PRKG1: variants seen among roughly 807,000 people sequenced by gnomAD.
The protein encoded by PRKG1 is protein kinase cGMP-dependent 1, also known as cGMP-dependent protein kinase 1.
PRKG1 carries 35 observed loss-of-function variants against 88.1 expected under a neutral mutation model. That is an observed-to-expected ratio of 0.40 (90% CI 0.30 to 0.53). PRKG1 has a LOEUF of 0.53. Among genes scored for constraint, PRKG1 ranks in the 20% least tolerant of loss-of-function variants. The pLI is 0.59. For missense variants in PRKG1, 540 were observed against 839.8 expected, an observed-to-expected ratio of 0.64 and a Z score of 4.41; for synonymous variants, 303 against 292.5, an observed-to-expected ratio of 1.04 and a Z score of -0.37.
chr10:51,209,427 C>T (rs1265274070), intron 2 of PRKG1, among the ~76,000 whole-genome samples: 2 of 152,024 alleles, frequency 1.3e-5, no homozygotes, highest in African/African-American at 2.4e-5. Flanking sequence ...CATTAGTTTC[C>T]ACCTGGTAAA....
intron 3 of PRKG1, among the ~76,000 whole-genome samples, chr10:51,545,177 G>A (rs1842416992): frequency 6.6e-6 from 1 of 151,920 alleles, no homozygotes; most frequent in African/African-American, 2.4e-5. Flanking sequence ...TAAAAAAATT[G>A]TAGACAATCT....
At chr10:50,994,318 A>G (rs1842811080) in intron 1 of PRKG1, among the ~76,000 whole-genome samples, 1 of 152,196 alleles carries the variant, frequency 6.6e-6, no homozygotes, top group South Asian at 2.1e-4. Flanking sequence ...TTTAATATGA[A>G]ACAAGATACT....
chr10:51,656,465 A>G (rs912352236), intron 3 of PRKG1, among the ~76,000 whole-genome samples: 9 of 152,180 alleles, frequency 5.9e-5, no homozygotes, highest in African/African-American at 2.2e-4. Context: ...AAACAGAGCT[A>G]GGTAGGACTA....
chr10:52,074,614 T>C (rs1482899435), intron 7 of PRKG1, among the ~76,000 whole-genome samples: 1 of 152,190 alleles, frequency 6.6e-6, no homozygotes, highest in Non-Finnish European at 1.5e-5. Flanking sequence ...AGCCGGTGTT[T>C]TGTGTCTCTG....
At chr10:51,780,557 A>G (rs767878911) in intron 3 of PRKG1, among the ~76,000 whole-genome samples, 1 of 152,188 alleles carries the variant, frequency 6.6e-6, no homozygotes, top group Admixed American at 6.6e-5. Context: ...AAGCTACCAC[A>G]TAACTTGTAA....
At chr10:51,739,833 C>T (rs1001800302) in intron 3 of PRKG1, among the ~76,000 whole-genome samples, 1 of 152,030 alleles carries the variant, frequency 6.6e-6, no homozygotes, top group Non-Finnish European at 1.5e-5. Flanking sequence ...ATTAGCCAAG[C>T]GTGGTGGCGC....
At chr10:51,524,783 A>G (rs1841834239) in intron 3 of PRKG1, among the ~76,000 whole-genome samples, 2 of 152,244 alleles carry the variant, frequency 1.3e-5, no homozygotes, top group South Asian at 4.1e-4. Flanking sequence ...GACTATGCTC[A>G]ATATACTAAC....
rs1841325989 is a variant in PRKG1 at position 52,257,076 on chromosome 10, T to C, written c.1173+5410T>C. On this transcript the variant is annotated intron_variant, in intron 10 of 17. Coordinates refer to ENST00000373980, the MANE Select transcript of PRKG1 (RefSeq NM_006258.4). ...ACCTCAGTTGGGCATAATAAAGACC[T>C]GGCTCTTGGCAAGTTGAATACAAAA... Among the ~76,000 whole-genome samples the C allele has an allele frequency of 1.4e-5, 2 of 139,606 alleles. 1 individual carries two copies. The highest frequency in any genetic ancestry group is 4.6e-4 in the South Asian group (2 of 4,352). 91.6% of individuals were successfully genotyped at this position (139,606 alleles called of 152,430 possible).
chr10:51,341,499 C>T (rs1842003038), intron 2 of PRKG1, among the ~76,000 whole-genome samples: 1 of 152,192 alleles, frequency 6.6e-6, no homozygotes, highest in Non-Finnish European at 1.5e-5. Context: ...TCCCTAACTT[C>T]TCTTGTCTTC....
intron 5 of PRKG1, among the ~76,000 whole-genome samples, chr10:51,985,640 T>C (rs1401543827): frequency 6.6e-6 from 1 of 152,212 alleles, no homozygotes; most frequent in African/African-American, 2.4e-5. Context: ...ATCTAATTAA[T>C]ATTTTTTATA....
chr10:51,801,419 C>A (rs942122480), intron 3 of PRKG1, among the ~76,000 whole-genome samples: 2 of 152,020 alleles, frequency 1.3e-5, no homozygotes, highest in African/African-American at 2.4e-5. Context: ...CAAAAACAGA[C>A]CATGGGCCAG....
At position 51,059,796 on chromosome 10, in the gene PRKG1, A is replaced by G. The variant is rs144219598; in HGVS notation, c.266+68152A>G. On this transcript the variant is annotated intron_variant, in intron 1 of 17. Transcript: ENST00000401604. ...AAATTATGTGTTTTGCAATTTTGAGATGAGGTGTTCTATGTAGTGTAATTA... is the reference window on the plus strand; with the variant it reads ...AAATTATGTGTTTTGCAATTTTGAGGTGAGGTGTTCTATGTAGTGTAATTA... Among the ~76,000 whole-genome samples, 2 of 152,186 alleles carry G rather than the reference A, an allele frequency of 1.3e-5. 1 individual carries two copies. Among genetic ancestry groups the G allele is most frequent in the Non-Finnish European group, 2.9e-5 (2 of 68,008 alleles).
At chr10:51,834,617 C>G (rs1564667093) in intron 4 of PRKG1, among the ~76,000 whole-genome samples, 1 of 149,774 alleles carries the variant, frequency 6.7e-6, no homozygotes. Flanking sequence ...ATACTACACT[C>G]TAGCCTGGGT....
At position 51,634,138 on chromosome 10, in the gene PRKG1, G is replaced by C. The variant is rs547047892; in HGVS notation, c.592+166302G>C. Among the ~76,000 whole-genome samples the C allele has an allele frequency of 7.0e-4, 106 of 152,222 alleles. 2 individuals carry two copies. The South Asian group carries it at 0.021, about 30-fold the overall frequency. ...AAATGTGTGTTTCAATAGAGATTTGGACAAAGCTCTGTGACAGTAATAAAC... is the reference window on the plus strand; with the variant it reads ...AAATGTGTGTTTCAATAGAGATTTGCACAAAGCTCTGTGACAGTAATAAAC... On this transcript the variant is annotated intron_variant, in intron 3 of 17. Transcript: ENST00000373980.
intron 9 of PRKG1, among the ~76,000 whole-genome samples, chr10:52,162,965 T>A (rs1357751028): frequency 6.6e-6 from 1 of 152,126 alleles, no homozygotes; most frequent in Non-Finnish European, 1.5e-5. Context: ...AGACTGCTTA[T>A]GTTCTGGATA....
chr10:51,327,074 C>A (rs1298601169), intron 2 of PRKG1, among the ~76,000 whole-genome samples: 1 of 151,956 alleles, frequency 6.6e-6, no homozygotes, highest in Non-Finnish European at 1.5e-5. Context: ...AAATATATAA[C>A]CTAGCTCCCA....
At chr10:52,106,922 C>T (rs1231933348) in intron 7 of PRKG1, among the ~76,000 whole-genome samples, 1 of 152,074 alleles carries the variant, frequency 6.6e-6, no homozygotes, top group Non-Finnish European at 1.5e-5. Flanking sequence ...AAGCACCCTT[C>T]AGCTATGGTT....
intron 2 of PRKG1, among the ~76,000 whole-genome samples, chr10:51,266,479 G>A: frequency 6.6e-6 from 1 of 152,210 alleles, no homozygotes; most frequent in East Asian, 1.9e-4. Context: ...GAATCAGACA[G>A]TAGATTTTCT....
intron 6 of PRKG1, among the ~76,000 whole-genome samples, chr10:52,061,102 G>A (rs1253190730): frequency 6.6e-6 from 1 of 151,968 alleles, no homozygotes; most frequent in Non-Finnish European, 1.5e-5. Flanking sequence ...AGCCTCTTCA[G>A]CATGCAAATT....
Sources: allele counts gnomAD v4.1 joint callset (sites outside exome capture counted in the v4.1 genomes callset), GRCh38; gene constraint gnomAD v4.1.1; transcripts MANE v1.5; gene names NCBI Gene and HGNC (gene_info 2026-07-23, HGNC 2026-07-21).